Variants in GABRB1 observed in about 807,000 individuals in gnomAD.
GABRB1 encodes the protein gamma-aminobutyric acid receptor subunit beta-1.
A neutral mutation model predicts 51.6 loss-of-function variants in GABRB1; 17 were observed. That is an observed-to-expected ratio of 0.33 (90% CI 0.23 to 0.49). GABRB1 has a LOEUF of 0.49. Among genes scored for constraint, GABRB1 ranks in the 20% least tolerant of loss-of-function variants. GABRB1 has a pLI of 0.99. For synonymous variants in GABRB1, 247 were observed against 218.9 expected (o/e 1.13, Z -1.14); for missense variants, 410 against 600.6 (o/e 0.68, Z 3.32).
intron 3 of GABRB1, among the ~76,000 whole-genome samples, chr4:47,101,152 C>A (rs190490431): frequency 6.6e-6 from 1 of 152,048 alleles, no homozygotes; most frequent in Non-Finnish European, 1.5e-5. Context: ...TCTGCACTCA[C>A]ATGTTTTCGA....
At chr4:47,031,868 A>T in intron 1 of GABRB1, 46 bp from the exon 2 acceptor site, 1 of 1,564,314 alleles carries the variant, frequency 6.4e-7, no homozygotes, top group Admixed American at 1.7e-5. Flanking sequence ...ATATGTGCTC[A>T]CAGTTTGTGC....
chr4:47,337,989 T>C (rs1406253470), intron 5 of GABRB1, among the ~76,000 whole-genome samples: 1 of 152,160 alleles, frequency 6.6e-6, no homozygotes, highest in African/African-American at 2.4e-5. Context: ...CGGCTTCAAC[T>C]TCTTTCTGTA....
chr4:47,292,830 A>C (rs1723799223), intron 4 of GABRB1, among the ~76,000 whole-genome samples: 1 of 152,134 alleles, frequency 6.6e-6, no homozygotes, highest in Non-Finnish European at 1.5e-5. Context: ...GAAGTGAGAG[A>C]GGGAGGGAGG....
In GABRB1 at chr4:47,253,674, T is replaced by C. The variant is rs557199251; in HGVS notation, c.462-66453T>C. ...TTGGCTCCATTACTCTTGCTTTTTG[T>C]CCACGAATGAAATTAAGATAATTAA... On this transcript the variant is annotated intron_variant, in intron 4 of 8. Transcript: ENST00000295454. Among the ~76,000 whole-genome samples, 4 of 152,320 alleles carry C rather than the reference T, an allele frequency of 2.6e-5. No homozygotes were observed. The East Asian group carries it at 5.8e-4, about 22-fold the overall frequency.
At chr4:47,392,832 C>G (rs775434044) in intron 5 of GABRB1, among the ~76,000 whole-genome samples, 1 of 152,222 alleles carries the variant, frequency 6.6e-6, no homozygotes, top group Non-Finnish European at 1.5e-5. Context: ...CTCTGGTAAT[C>G]ACAATGCTGG....
intron 4 of GABRB1, among the ~76,000 whole-genome samples, chr4:47,184,972 G>C (rs1466625929): frequency 1.3e-5 from 2 of 151,812 alleles, no homozygotes; most frequent in African/African-American, 4.8e-5. Flanking sequence ...CCATGGTTAT[G>C]TGTTTCACTT....
chr4:47,220,507 G>A lies in GABRB1; in HGVS notation c.461+59038G>A, dbSNP rs192576730. On this transcript the variant is annotated intron_variant, in intron 4 of 8. Transcript: ENST00000295454. Reference sequence around the variant, plus strand: ...TTCCCAAATATATATCCCTGGCTTAGCCTCTCTTGAATTTCCCAATTTCTA... The same window carrying A: ...TTCCCAAATATATATCCCTGGCTTAACCTCTCTTGAATTTCCCAATTTCTA... 1.4e-3 allele frequency among the ~76,000 whole-genome samples: 220 copies of A among 151,990 alleles called. 1 individual carries two copies. The highest frequency in any genetic ancestry group is 5.1e-3 in the African/African-American group (210 of 41,482).
At position 47,174,840 on chromosome 4, in the gene GABRB1, T is replaced by C. The variant is rs78042256; in HGVS notation, c.461+13371T>C. Among the ~76,000 whole-genome samples the C allele has an allele frequency of 4.7e-3, 717 of 152,200 alleles. 7 individuals are homozygous for C. The highest frequency in any genetic ancestry group is 0.016 in the African/African-American group (684 of 41,538). ...TGTCAGTTGTCAGTGCCCTGCACTA[T>C]AGGCTTCCTCCCTCCCTCCTTCCCT... On this transcript the variant is annotated intron_variant, in intron 4 of 8. Transcript: ENST00000295454.
intron 4 of GABRB1, 121 bp from the exon 5 acceptor site, chr4:47,320,006 C>T: frequency 1.4e-6 from 1 of 720,416 alleles, no homozygotes; most frequent in Non-Finnish European, 2.5e-6. Flanking sequence ...TTCTTAAAAT[C>T]TCACAAAATT....
At chr4:47,239,954 T>A (rs2109846763) in intron 4 of GABRB1, among the ~76,000 whole-genome samples, 1 of 152,300 alleles carries the variant, frequency 6.6e-6, no homozygotes, top group Admixed American at 6.5e-5. Context: ...ACCCTTCTTT[T>A]TCTTGTGTTT....
At chr4:47,083,825 C>G (rs1323674649) in intron 3 of GABRB1, among the ~76,000 whole-genome samples, 6 of 152,086 alleles carry the variant, frequency 3.9e-5, no homozygotes, top group Non-Finnish European at 5.9e-5. Flanking sequence ...TCCCCCAGAT[C>G]TCTACTCATC....
chr4:47,339,855 A>ACACACACACC (rs1313270213), intron 5 of GABRB1, among the ~76,000 whole-genome samples: 15 of 143,432 alleles, frequency 1.0e-4, no homozygotes, highest in Non-Finnish European at 2.1e-4. Context: ...ACACACACAC[A>ACACACACACC]CCCCACTTTG....
chr4:47,270,777 C>CG (rs2109892752), intron 4 of GABRB1, among the ~76,000 whole-genome samples: 1 of 152,160 alleles, frequency 6.6e-6, no homozygotes, highest in East Asian at 1.9e-4. Flanking sequence ...AACCCAACTT[C>CG]ACCTTTGCTG....
intron 3 of GABRB1, among the ~76,000 whole-genome samples, chr4:47,115,047 T>C (rs1025689244): frequency 1.1e-4 from 17 of 152,230 alleles, no homozygotes; most frequent in African/African-American, 3.6e-4. Context: ...TCTCTGATAC[T>C]GTTTTTCTAC....
chr4:47,241,585 T>G (rs1327083659), intron 4 of GABRB1, among the ~76,000 whole-genome samples: 1 of 152,192 alleles, frequency 6.6e-6, no homozygotes, highest in Non-Finnish European at 1.5e-5. Flanking sequence ...TTGGCTTATC[T>G]TCTGATACAT....
chr4:46,998,161 A>G (rs1724061987), intron 1 of GABRB1, among the ~76,000 whole-genome samples: 1 of 152,216 alleles, frequency 6.6e-6, no homozygotes, highest in Admixed American at 6.5e-5. Context: ...GTTAATGCAG[A>G]TTTAGATATT....
chr4:47,130,347 G>A (rs1441235506), intron 3 of GABRB1, among the ~76,000 whole-genome samples: 2 of 143,402 alleles, frequency 1.4e-5, no homozygotes, highest in Non-Finnish European at 3.2e-5. Context: ...GTGTGTGTGT[G>A]TGTGTGTGTG....
intron 5 of GABRB1, among the ~76,000 whole-genome samples, chr4:47,383,868 T>C (rs906780198): frequency 1.6e-4 from 25 of 152,168 alleles, no homozygotes; most frequent in African/African-American, 6.0e-4. Flanking sequence ...ATAATTGTTC[T>C]AGTGTCACTT....
At chr4:47,310,841 G>A (rs1045812601) in intron 4 of GABRB1, among the ~76,000 whole-genome samples, 1 of 152,074 alleles carries the variant, frequency 6.6e-6, no homozygotes, top group Non-Finnish European at 1.5e-5. Context: ...TACTTCTCAT[G>A]GCAAAAGGGG....
Sources: gnomAD v4.1 joint callset for allele counts (sites outside exome capture counted in the v4.1 genomes callset) on GRCh38, gnomAD v4.1.1 for gene constraint, MANE v1.5 for transcripts, NCBI Gene and HGNC (gene_info 2026-07-23, HGNC 2026-07-21) for gene names.